RAB5A: variants seen among roughly 807,000 people sequenced by gnomAD.
The protein encoded by RAB5A is ras-related protein Rab-5A.
RAB5A carries 8 observed loss-of-function variants against 25.7 expected under a neutral mutation model. The observed-to-expected ratio is 0.31, with a 90% confidence interval of 0.18 to 0.56. The LOEUF is 0.56. Among genes scored for constraint, RAB5A ranks in the 20% least tolerant of loss-of-function variants. The pLI is 0.91. For missense variants in RAB5A, 192 were observed against 259.7 expected, an observed-to-expected ratio of 0.74 and a Z score of 1.79; for synonymous variants, 98 against 89.8, an observed-to-expected ratio of 1.09 and a Z score of -0.52.
intron 2 of RAB5A, among the ~76,000 whole-genome samples, chr3:19,974,722 G>GAAAAAAAA (rs151258629): frequency 5.6e-5 from 8 of 141,946 alleles, no homozygotes; most frequent in Non-Finnish European, 6.1e-5. Context: ...CTGTGTCTCA[G>GAAAAAAAA]AAAAAGAAAA....
chr3:19,976,867 T>G (rs538500208), intron 4 of RAB5A, among the ~76,000 whole-genome samples: 14 of 152,152 alleles, frequency 9.2e-5, no homozygotes, highest in African/African-American at 1.2e-4. Context: ...CTTATGTGGT[T>G]GTTCTTAAAG....
chr3:19,957,647 AGT>A (rs1043653833), intron 2 of RAB5A, among the ~76,000 whole-genome samples: 4 of 151,634 alleles, frequency 2.6e-5, no homozygotes, highest in African/African-American at 9.7e-5. Flanking sequence ...TGAGCAACAG[AGT>A]GAGACTCTGT....
At chr3:19,980,913 G>A (rs953942484) in intron 5 of RAB5A, among the ~76,000 whole-genome samples, 4 of 152,164 alleles carry the variant, frequency 2.6e-5, no homozygotes, top group African/African-American at 9.7e-5. Context: ...TGATGCTGAT[G>A]TAGAATGGAA....
chr3:19,975,588 C>T lies in RAB5A; in HGVS notation c.164-13C>T. ...AGAAAAATGATTGACTTATTGTAGT[C>T]CTTTTCTTTCAGCTGCTTTTCTAAC... On this transcript the variant is annotated splice_polypyrimidine_tract_variant and intron_variant, in intron 2 of 5. Transcript: ENST00000273047. 1 of 1,608,396 alleles carries T rather than the reference C, an allele frequency of 6.2e-7. No individual in the cohort carries two copies. The highest frequency in any genetic ancestry group is 8.5e-7 in the Non-Finnish European group (1 of 1,178,238).
At chr3:19,952,394 A>G (rs1696437078) in intron 2 of RAB5A, among the ~76,000 whole-genome samples, 1 of 152,234 alleles carries the variant, frequency 6.6e-6, no homozygotes, top group Non-Finnish European at 1.5e-5. Flanking sequence ...TTTTAACCCC[A>G]TCCTGTAAAA....
At chr3:19,955,312 C>T (rs567116735) in intron 2 of RAB5A, among the ~76,000 whole-genome samples, 1 of 152,308 alleles carries the variant, frequency 6.6e-6, no homozygotes, top group East Asian at 1.9e-4. Context: ...TAACATTCCT[C>T]TTGCTGGTTC....
Position 19,950,779 on chromosome 3 carries a change from A to C in RAB5A, c.-93-27A>C, listed in dbSNP as rs1206294523. ...GTAAATTTGCTTTACTGATTTGTAT[A>C]TTTAATTCATAATTGTTTCTTTACA... On this transcript the variant is annotated intron_variant, in intron 1 of 5. Coordinates refer to ENST00000273047, the MANE Select transcript of RAB5A (RefSeq NM_004162.5). The C allele has an allele frequency of 3.0e-6, 3 of 993,284 alleles. No individual in the cohort carries two copies. The African/African-American group carries it at 4.9e-5, about 16-fold the overall frequency. 61.5% of individuals were successfully genotyped at this position (993,284 alleles called of 1,614,324 possible).
chr3:19,969,285 C>A (rs1162436241), intron 2 of RAB5A, among the ~76,000 whole-genome samples: 1 of 151,960 alleles, frequency 6.6e-6, no homozygotes, highest in Non-Finnish European at 1.5e-5. Flanking sequence ...CTCAAGTGAT[C>A]CACCTGCCTC....
At chr3:19,973,147 C>T (rs1453574522) in intron 2 of RAB5A, among the ~76,000 whole-genome samples, 2 of 152,082 alleles carry the variant, frequency 1.3e-5, no homozygotes, top group Admixed American at 6.6e-5. Context: ...AATTTTATAT[C>T]GGGGACTTGA....
In RAB5A at chr3:19,950,958, G is replaced by C; in HGVS notation, c.60G>C (p.Gln20His). The C allele has an allele frequency of 6.2e-7, 1 of 1,614,072 alleles. No homozygotes were observed. The highest frequency in any genetic ancestry group is 1.1e-5 in the South Asian group (1 of 91,078). Residue 20 changes from glutamine to histidine, a missense_variant, in exon 2 of 6, where the codon CAG becomes CAC. By Grantham distance (24) the Gln-to-His change is conservative. Coordinates refer to ENST00000273047, the MANE Select transcript of RAB5A (RefSeq NM_004162.5). Reference protein sequence around the residue: ...NGPNTGNKICQFKLVLLGESA... With the variant: ...NGPNTGNKICHFKLVLLGESA... Reference sequence around the variant, plus strand: ...CAAATACGGGAAATAAAATATGCCAGTTCAAACTAGTACTTCTGGGAGAGT... The same window carrying C: ...CAAATACGGGAAATAAAATATGCCACTTCAAACTAGTACTTCTGGGAGAGT...
At chr3:19,975,574 T>C in intron 2 of RAB5A, 27 bp from the exon 3 acceptor site, 1 of 1,599,914 alleles carries the variant, frequency 6.3e-7, no homozygotes. Flanking sequence ...GAAAAATGAT[T>C]GACTTATTGT....
intron 3 of RAB5A, 141 bp downstream of exon 3, chr3:19,975,893 T>C: frequency 7.4e-7 from 1 of 1,344,350 alleles, no homozygotes; most frequent in Non-Finnish European, 1.0e-6. Flanking sequence ...GAAAATCTGG[T>C]TTTAAAAAAA....
chr3:19,975,539 TTTCTA>T, intron 2 of RAB5A, 57 bp from the exon 3 acceptor site: 1 of 1,529,664 alleles, frequency 6.5e-7, no homozygotes, highest in East Asian at 2.3e-5. Context: ...AAGCAGGTGT[TTTCTA>T]TATTATGAAA....
At chr3:19,950,626 G>C (rs1383003572) in intron 1 of RAB5A, among the ~76,000 whole-genome samples, 180 bp from the exon 2 acceptor site, 1 of 152,024 alleles carries the variant, frequency 6.6e-6, no homozygotes, top group Admixed American at 6.6e-5. Context: ...AAAAAAAAAA[G>C]TAATTTTGGA....
In RAB5A at chr3:19,959,625, ATTT is replaced by A. The variant is rs63289661; in HGVS notation, c.163+8582_163+8584del. 1.8e-3 allele frequency among the ~76,000 whole-genome samples: 218 copies of A among 117,868 alleles called. 3 individuals carry two copies. The highest frequency in any genetic ancestry group is 1.3e-3 in the East Asian group (5 of 3,910). 77.3% of individuals were successfully genotyped at this position (117,868 alleles called of 152,430 possible). A position where few individuals can be genotyped will look rare whatever the true frequency, so the allele number is the denominator to read the frequency against. Reference sequence around the variant, plus strand: ...TTGCTAGCTTTCTGGTTGTGTTCTGATTTTTTTTTTTTTTTTTTTTGAGGCAGG... The same window carrying A: ...TTGCTAGCTTTCTGGTTGTGTTCTGATTTTTTTTTTTTTTTTTGAGGCAGG... On this transcript the variant is annotated intron_variant, in intron 2 of 5. Coordinates refer to ENST00000273047, the MANE Select transcript of RAB5A (RefSeq NM_004162.5).
chr3:19,976,069 A>G lies in RAB5A; in HGVS notation c.338A>G (p.Asn113Ser). The G allele has an allele frequency of 6.2e-7, 1 of 1,612,142 alleles. No individual in the cohort carries two copies. The highest frequency in any genetic ancestry group is 8.5e-7 in the Non-Finnish European group (1 of 1,179,486). The change falls in exon 4 of 6, where the codon AAT becomes AGT. Residue 113 changes from asparagine (N) to serine (S), a missense_variant. Asn to Ser is a conservative substitution (Grantham distance 46, BLOSUM62 1). Around this residue, in one of 3 missense-constraint regions of RAB5A, gnomAD observed 121 missense variants for 135.7 expected, o/e 0.89. Coordinates refer to ENST00000273047, the MANE Select transcript of RAB5A (RefSeq NM_004162.5). ...TNEESFARAK[N>S]WVKELQRQAS... Reference sequence around the variant, plus strand: ...CAGGAGTCCTTTGCAAGAGCAAAAAATTGGGTTAAAGAACTTCAGAGGCAA... The same window carrying G: ...CAGGAGTCCTTTGCAAGAGCAAAAAGTTGGGTTAAAGAACTTCAGAGGCAA...
At chr3:19,974,993 A>G (rs914731963) in intron 2 of RAB5A, among the ~76,000 whole-genome samples, 37 of 152,214 alleles carry the variant, frequency 2.4e-4, no homozygotes, top group Non-Finnish European at 5.3e-4. Context: ...TGGGAGGCCA[A>G]GGTGGGCGGA....
At chr3:19,967,139 C>G (rs1415067000) in intron 2 of RAB5A, among the ~76,000 whole-genome samples, 2 of 150,222 alleles carry the variant, frequency 1.3e-5, no homozygotes, top group African/African-American at 4.9e-5. Context: ...TATTCAAGTC[C>G]TTTGTCCATT....
At chr3:19,951,769 T>G (rs1696428284) in intron 2 of RAB5A, among the ~76,000 whole-genome samples, 1 of 144,660 alleles carries the variant, frequency 6.9e-6, no homozygotes, top group African/African-American at 2.6e-5. Context: ...ACTCCTGGCC[T>G]CAAGTGAGCC....
Sources: gnomAD v4.1 joint callset for allele counts (sites outside exome capture counted in the v4.1 genomes callset) on GRCh38, gnomAD v4.1.1 for gene constraint, gnomAD v4.1.1 regional missense constraint, MANE v1.5 for transcripts, NCBI Gene and HGNC (gene_info 2026-07-23, HGNC 2026-07-21) for gene names.